The following PPP2R2C variants were observed in gnomAD, a reference collection of about 807,000 sequenced individuals.
The protein encoded by PPP2R2C is protein phosphatase 2, regulatory subunit B, gamma.
PPP2R2C carries 10 observed loss-of-function variants against 45.3 expected under a neutral mutation model. The observed-to-expected ratio is 0.22, with a 90% CI of 0.14 to 0.37. PPP2R2C has a LOEUF of 0.37. Ranked by LOEUF, PPP2R2C falls within the 10% of genes least tolerant of loss-of-function variation. PPP2R2C has a pLI of 1.00. For missense variants in PPP2R2C, 308 were observed against 619.7 expected, an observed-to-expected ratio of 0.50 and a Z score of 5.34; for synonymous variants, 257 against 245.4, an observed-to-expected ratio of 1.05 and a Z score of -0.44.
At chr4:6,474,344 T>A (rs938515748), upstream of PPP2R2C, among the ~76,000 whole-genome samples, 1 of 152,098 alleles carries the variant, frequency 6.6e-6, no homozygotes, top group African/African-American at 2.4e-5. Flanking sequence ...CAACCTCATC[T>A]GTAAAGTGGA....
chr4:6,499,123 C>T (rs867750225), intron 2 of PPP2R2C, among the ~76,000 whole-genome samples: 3 of 152,140 alleles, frequency 2.0e-5, no homozygotes, highest in Non-Finnish European at 4.4e-5. Flanking sequence ...GCTACTCCTG[C>T]TTTCAGGTGC....
intron 5 of PPP2R2C, among the ~76,000 whole-genome samples, chr4:6,352,882 C>T (rs1318373750): frequency 6.6e-6 from 1 of 151,994 alleles, no homozygotes; most frequent in African/African-American, 2.4e-5. Context: ...ATGAGATCAC[C>T]CTGGATTACC....
rs184881002 is a variant in PPP2R2C at position 6,559,873 on chromosome 4, T to C, written c.-59+3687A>G. Among the ~76,000 whole-genome samples, 259 of 152,276 alleles carry C rather than the reference T, an allele frequency of 1.7e-3. 2 individuals are homozygous for C. The highest frequency in any genetic ancestry group is 2.9e-3 in the South Asian group (14 of 4,820). On this transcript the variant is annotated intron_variant, in intron 1 of 9. Coordinates refer to the PPP2R2C transcript ENST00000506140. ...TTGTTCATAAGCTGCCCAGGCTATA[T>C]GGTGTTTTGTTACGGCAGCCCCAAC...
chr4:6,402,310 C>T (rs1038198925), intron 1 of PPP2R2C, among the ~76,000 whole-genome samples: 4 of 152,182 alleles, frequency 2.6e-5, no homozygotes, highest in Non-Finnish European at 5.9e-5. Flanking sequence ...TTCATACAAG[C>T]GGCCCCATTT....
chr4:6,363,893 A>C (rs892446749), intron 5 of PPP2R2C, among the ~76,000 whole-genome samples: 26 of 152,314 alleles, frequency 1.7e-4, no homozygotes, highest in African/African-American at 6.3e-4. Flanking sequence ...GCAGGTCCAG[A>C]ACAGAAGCCT....
intron 2 of PPP2R2C, among the ~76,000 whole-genome samples, chr4:6,482,147 T>C (rs1297876352): frequency 6.6e-6 from 1 of 152,234 alleles, no homozygotes; most frequent in East Asian, 1.9e-4. Flanking sequence ...TCTTCTTTCA[T>C]GTCCTTCAAT....
chr4:6,479,548 C>G (rs550999073), intron 2 of PPP2R2C, among the ~76,000 whole-genome samples: 15 of 152,274 alleles, frequency 9.9e-5, no homozygotes, highest in African/African-American at 2.9e-4. Flanking sequence ...GCCCAACACC[C>G]TCAAGGTTAG....
intron 1 of PPP2R2C, among the ~76,000 whole-genome samples, chr4:6,544,450 C>G (rs1287348095): frequency 1.3e-5 from 2 of 152,130 alleles, no homozygotes; most frequent in Non-Finnish European, 2.9e-5. Flanking sequence ...TCAAGTGATC[C>G]TCCCAACTCA....
chr4:6,430,852 G>T (rs1719572740), intron 1 of PPP2R2C, among the ~76,000 whole-genome samples: 1 of 152,114 alleles, frequency 6.6e-6, no homozygotes, highest in South Asian at 2.1e-4. Flanking sequence ...TTGAACCCAG[G>T]AGGCGGAGGT....
intron 2 of PPP2R2C, among the ~76,000 whole-genome samples, chr4:6,510,112 AG>A (rs1723376904): frequency 6.6e-6 from 1 of 152,122 alleles, no homozygotes; most frequent in Non-Finnish European, 1.5e-5. Context: ...TCCACTCAGC[AG>A]AACAAATGGC....
chr4:6,555,937 T>C (rs1385103492), intron 1 of PPP2R2C, among the ~76,000 whole-genome samples: 1 of 152,096 alleles, frequency 6.6e-6, no homozygotes, highest in Non-Finnish European at 1.5e-5. Context: ...TTGAAGGCCA[T>C]ATTTTCTGCC....
In PPP2R2C at chr4:6,502,610, T is replaced by C. The variant is rs963592984; in HGVS notation, c.49+32661A>G. 7.9e-5 allele frequency among the ~76,000 whole-genome samples: 12 copies of C among 151,920 alleles called. No homozygotes were observed. The East Asian group carries it at 2.1e-3, about 27-fold the overall frequency. ...GTTCCCACACATGCCACACCCAACC[T>C]GTGCTAGGTCCTGGCATTTCTTCTA... On this transcript the variant is annotated intron_variant, in intron 2 of 9. Transcript: ENST00000506140.
At chr4:6,354,219 G>C (rs972363896) in intron 5 of PPP2R2C, among the ~76,000 whole-genome samples, 5 of 151,570 alleles carry the variant, frequency 3.3e-5, no homozygotes, top group Non-Finnish European at 5.9e-5. Flanking sequence ...CTGCGTGTTG[G>C]CCTCTCCCAC....
intron 5 of PPP2R2C, among the ~76,000 whole-genome samples, chr4:6,354,502 C>T (rs1321460870): frequency 6.6e-6 from 1 of 152,216 alleles, no homozygotes; most frequent in Non-Finnish European, 1.5e-5. Context: ...CCCCACACCC[C>T]TCACACACGA....
intron 2 of PPP2R2C, among the ~76,000 whole-genome samples, chr4:6,533,075 A>G (rs1724460082): frequency 6.6e-6 from 1 of 152,194 alleles, no homozygotes; most frequent in African/African-American, 2.4e-5. Flanking sequence ...AGTTAATGAC[A>G]CAGAATTCGG....
At chr4:6,504,318 G>T (rs1458729900) in intron 2 of PPP2R2C, among the ~76,000 whole-genome samples, 2 of 152,166 alleles carry the variant, frequency 1.3e-5, no homozygotes, top group African/African-American at 4.8e-5. Context: ...TCTGAGTACA[G>T]CCAACTTAAC....
intron 2 of PPP2R2C, among the ~76,000 whole-genome samples, chr4:6,487,661 G>C (rs1722570288): frequency 6.6e-6 from 1 of 151,770 alleles, no homozygotes; most frequent in South Asian, 2.1e-4. Context: ...ATTATTTTGG[G>C]CAATTTAATT....
In PPP2R2C at chr4:6,324,317, A is replaced by T. The variant is rs1731768710; in HGVS notation, c.1053-724T>A. Among the ~76,000 whole-genome samples the T allele has an allele frequency of 1.3e-5, 2 of 152,158 alleles. No individual in the cohort carries two copies. Among genetic ancestry groups the T allele is most frequent in the Non-Finnish European group, 2.9e-5 (2 of 68,014 alleles). On this transcript the variant is annotated intron_variant, in intron 8 of 8. Transcript: ENST00000382599. This position sits in a 1 kb window ranked among gnomAD's most constrained non-coding sequence, Gnocchi z 4.1. ...CATGGTGGTGGGCACCTGTAATCCC[A>T]GCTACTCAGGAGGCTGAGGCAGGAG...
In PPP2R2C at chr4:6,375,861, T is replaced by C; in HGVS notation, c.405A>G (p.Glu135=). 6.2e-7 allele frequency: 1 copy of C among 1,614,222 alleles called. No individual in the cohort carries two copies. The highest frequency in any genetic ancestry group is 8.5e-7 in the Non-Finnish European group (1 of 1,180,036). ...KRPEGYNLKD[E]EGKLKDLSTV... ...TGGACAGGTCCTTAAGTTTCCCCTCTTCATCCTTCAGGTTGTATCCTTCGG... is the reference window on the plus strand; with the variant it reads ...TGGACAGGTCCTTAAGTTTCCCCTCCTCATCCTTCAGGTTGTATCCTTCGG... Residue 135 remains glutamate, a synonymous_variant, in exon 4 of 9, where the codon GAA becomes GAG. Transcript: ENST00000382599.
Sources: gnomAD v4.1 joint callset for allele counts (sites outside exome capture counted in the v4.1 genomes callset) on GRCh38, gnomAD v4.1.1 for gene constraint, Gnocchi (gnomAD v3.1) non-coding constraint, MANE v1.5 for transcripts, NCBI Gene and HGNC (gene_info 2026-07-23, HGNC 2026-07-21) for gene names.